ISM1: variants seen among roughly 807,000 people sequenced by gnomAD.
ISM1 encodes isthmin-1.
ISM1 carries 25 observed loss-of-function variants against 46.3 expected under a neutral mutation model. The ratio of observed to expected loss-of-function variants is 0.54; its 90% CI spans 0.39 to 0.75. The LOEUF (loss-of-function observed/expected upper bound fraction) is 0.75. Ranked by LOEUF, ISM1 falls within the 30% of genes least tolerant of loss-of-function variation. The pLI is 0.00. For synonymous variants in ISM1, 255 were observed against 256.7 expected (o/e 0.99, Z 0.06); for missense variants, 536 against 625.4 (o/e 0.86, Z 1.52).
the ISM1 span, among the ~76,000 whole-genome samples, chr20:13,307,832 A>G: frequency 6.6e-6 from 1 of 152,208 alleles, no homozygotes; most frequent in East Asian, 1.9e-4. Flanking sequence ...CAGTTCTACC[A>G]TGGAGGAACA....
intron 3 of ISM1, among the ~76,000 whole-genome samples, chr20:13,284,192 T>C (rs2040267398): frequency 6.6e-6 from 1 of 152,208 alleles, no homozygotes; most frequent in African/African-American, 2.4e-5. Flanking sequence ...GACACTGTCA[T>C]CTAGGATTAG....
At chr20:13,246,716 TC>T (rs1245129849) in intron 1 of ISM1, among the ~76,000 whole-genome samples, 1 of 152,204 alleles carries the variant, frequency 6.6e-6, no homozygotes, top group Non-Finnish European at 1.5e-5. Flanking sequence ...CCTTGTCCAA[TC>T]CCCCAGTGCC....
intron 5 of ISM1, among the ~76,000 whole-genome samples, 199 bp downstream of exon 5, chr20:13,292,662 C>T (rs116081307): frequency 0.01 from 1,546 of 152,196 alleles, 22 homozygotes; most frequent in African/African-American, 0.033. Context: ...CCGGACCGAG[C>T]GCTTCTGTGT....
intron 1 of ISM1, among the ~76,000 whole-genome samples, chr20:13,250,540 A>T (rs1033623585): frequency 6.6e-6 from 1 of 152,168 alleles, no homozygotes; most frequent in Non-Finnish European, 1.5e-5. Flanking sequence ...CTTGCTGCAC[A>T]TTGGAATCGC....
intron 3 of ISM1, among the ~76,000 whole-genome samples, chr20:13,285,543 T>C (rs904716500): frequency 2.0e-5 from 3 of 152,148 alleles, no homozygotes; most frequent in Non-Finnish European, 4.4e-5. Context: ...GCCTAGGCAC[T>C]TCACGCTTGG....
At chr20:13,251,261 C>G (rs976783324) in intron 1 of ISM1, among the ~76,000 whole-genome samples, 2 of 152,322 alleles carry the variant, frequency 1.3e-5, no homozygotes, top group South Asian at 2.1e-4. Context: ...TCTCACCCCC[C>G]TTCCACAGGC....
Position 13,229,099 on chromosome 20 carries a change from ATCT to A in ISM1, c.138+7188_138+7190del. ...TTTCTTTCCTTTTTCTTCCTTTTTTATCTTCCTTTCCTTTCTTTTTCCTTATCT... is the reference window on the plus strand; with the variant it reads ...TTTCTTTCCTTTTTCTTCCTTTTTTATCCTTTCCTTTCTTTTTCCTTATCT... On this transcript the variant is annotated intron_variant, in intron 1 of 5. Transcript: ENST00000262487. 2.1e-5 allele frequency among the ~76,000 whole-genome samples: 3 copies of A among 142,484 alleles called. No individual in the cohort carries two copies. The Admixed American group carries it at 2.1e-4, about 10-fold the overall frequency. 93.5% of individuals were successfully genotyped at this position (142,484 alleles called of 152,430 possible). A position where few individuals can be genotyped will look rare whatever the true frequency, so the allele number is the denominator to read the frequency against.
chr20:13,296,152 C>A (rs2040404852), intron 5 of ISM1, among the ~76,000 whole-genome samples: 1 of 152,194 alleles, frequency 6.6e-6, no homozygotes, highest in African/African-American at 2.4e-5. Flanking sequence ...GGGCAGATGA[C>A]CCACCCACTC....
chr20:13,304,595 G>A (rs2040485647), downstream of ISM1, among the ~76,000 whole-genome samples: 1 of 152,138 alleles, frequency 6.6e-6, no homozygotes, highest in Non-Finnish European at 1.5e-5. Context: ...CATCATCGTG[G>A]AGCCCAGTGA....
At chr20:13,267,658 C>CATCA (rs559141893) in intron 1 of ISM1, among the ~76,000 whole-genome samples, 480 of 152,288 alleles carry the variant, frequency 3.2e-3, no homozygotes, top group Admixed American at 5.3e-3. Context: ...TCAAGAGTCA[C>CATCA]ATCAATCAAT....
At chr20:13,318,317 G>A in the ISM1 span, among the ~76,000 whole-genome samples, 1 of 152,060 alleles carries the variant, frequency 6.6e-6, no homozygotes, top group Non-Finnish European at 1.5e-5. Flanking sequence ...CCAAAACATT[G>A]ACAACATCAG....
chr20:13,241,534 G>A (rs1188618772), intron 1 of ISM1, among the ~76,000 whole-genome samples: 1 of 152,076 alleles, frequency 6.6e-6, no homozygotes, highest in African/African-American at 2.4e-5. Context: ...TGTAACAATT[G>A]GGAAGAGAAA....
At chr20:13,258,859 G>A (rs1257339372) in intron 1 of ISM1, among the ~76,000 whole-genome samples, 2 of 152,106 alleles carry the variant, frequency 1.3e-5, no homozygotes, top group Non-Finnish European at 2.9e-5. Flanking sequence ...CTCACAAGCC[G>A]TGGTTCTCCA....
intron 1 of ISM1, among the ~76,000 whole-genome samples, chr20:13,235,640 C>A (rs986940862): frequency 1.3e-5 from 2 of 152,132 alleles, no homozygotes; most frequent in African/African-American, 4.8e-5. Flanking sequence ...ATGATTCGGC[C>A]CCCACCAAGG....
intron 1 of ISM1, among the ~76,000 whole-genome samples, chr20:13,249,365 A>G (rs1430021413): frequency 2.0e-5 from 3 of 152,188 alleles, no homozygotes; most frequent in Non-Finnish European, 2.9e-5. Flanking sequence ...CCAGCAGACC[A>G]CTGCCGCCAG....
chr20:13,232,483 T>G (rs2039600069), intron 1 of ISM1, among the ~76,000 whole-genome samples: 1 of 152,256 alleles, frequency 6.6e-6, no homozygotes, highest in African/African-American at 2.4e-5. Context: ...TTTGTTCCTT[T>G]TTATTACCAA....
intron 3 of ISM1, among the ~76,000 whole-genome samples, chr20:13,280,230 CT>C: frequency 6.6e-6 from 1 of 152,000 alleles, no homozygotes. Flanking sequence ...AATTAACTTC[CT>C]TGTATTTTTT....
the ISM1 span, among the ~76,000 whole-genome samples, chr20:13,323,958 A>G: frequency 6.6e-6 from 1 of 152,174 alleles, no homozygotes; most frequent in Non-Finnish European, 1.5e-5. Context: ...CTGAGTTTCT[A>G]TTTAGTTAGC....
intron 3 of ISM1, among the ~76,000 whole-genome samples, chr20:13,282,975 A>G (rs1286845814): frequency 2.6e-5 from 4 of 152,200 alleles, no homozygotes; most frequent in Non-Finnish European, 5.9e-5. Flanking sequence ...TCTGGAATTC[A>G]TCTTTTCCGG....
Sources: allele counts gnomAD v4.1 joint callset (sites outside exome capture counted in the v4.1 genomes callset), GRCh38; gene constraint gnomAD v4.1.1; transcripts MANE v1.5; gene names NCBI Gene and HGNC (gene_info 2026-07-23, HGNC 2026-07-21).